Variants in FH observed in about 807,000 individuals in gnomAD.
FH encodes fumarate hydratase, mitochondrial.
A neutral mutation model predicts 49.4 loss-of-function variants in FH; 22 were observed. The observed-to-expected ratio is 0.45, with a 90% CI of 0.32 to 0.64. FH has a LOEUF of 0.64. Among genes scored for constraint, FH ranks in the 30% least tolerant of loss-of-function variants. FH has a pLI of 0.05. For synonymous variants in FH, 208 were observed against 223.0 expected (o/e 0.93, Z 0.60); for missense variants, 526 against 641.5 (o/e 0.82, Z 1.95).
At chr1:241,514,761 CTAAAAT>C (rs769141023) in intron 2 of FH, among the ~76,000 whole-genome samples, 73 of 152,076 alleles carry the variant, frequency 4.8e-4, no homozygotes, top group Non-Finnish European at 8.5e-4. Context: ...TTTTAAGTAA[CTAAAAT>C]TAAAACATTA....
chr1:241,507,242 T>C (rs1659954752), intron 5 of FH, among the ~76,000 whole-genome samples: 1 of 152,204 alleles, frequency 6.6e-6, no homozygotes, highest in East Asian at 1.9e-4. Context: ...TCCAATGCAG[T>C]AACATGCTGC....
chr1:241,516,459 G>A (rs1660213100), intron 2 of FH, among the ~76,000 whole-genome samples: 1 of 152,072 alleles, frequency 6.6e-6, no homozygotes, highest in Non-Finnish European at 1.5e-5. Context: ...TGAACAATGA[G>A]AACATATGGA....
At chr1:241,500,402 A>C in intron 9 of FH, 35 bp downstream of exon 9, 1 of 1,606,490 alleles carries the variant, frequency 6.2e-7, no homozygotes, top group Non-Finnish European at 8.5e-7. Context: ...TTAATTTTGC[A>C]TTCAAAATGA....
chr1:241,502,066 G>C (rs1472121803), intron 8 of FH, among the ~76,000 whole-genome samples: 1 of 152,104 alleles, frequency 6.6e-6, no homozygotes, highest in African/African-American at 2.4e-5. Context: ...CAATGAATGG[G>C]AGAATAATTC....
chr1:241,508,933 G>T, intron 4 of FH, 148 bp from the exon 5 acceptor site: 1 of 648,654 alleles, frequency 1.5e-6, no homozygotes, highest in South Asian at 1.9e-5. Context: ...TGTCATAGGT[G>T]AGTTATTATA....
intron 1 of FH, chr1:241,519,080 G>A (rs541807542): frequency 8.6e-4 from 134 of 155,326 alleles, no homozygotes; most frequent in Middle Eastern, 6.6e-3. Context: ...TGAAAGCAGT[G>A]CAGTGCCCCT....
At chr1:241,502,953 A>G (rs773661759) in intron 7 of FH, among the ~76,000 whole-genome samples, 1 of 152,174 alleles carries the variant, frequency 6.6e-6, no homozygotes, top group Non-Finnish European at 1.5e-5. Context: ...AGAGTAGTGT[A>G]TGCTGCTATC....
rs1659918863 is a variant in FH at position 241,506,006 on chromosome 1, T to C, written c.901A>G (p.Thr301Ala). 3 of 1,613,924 alleles carry C rather than the reference T, an allele frequency of 1.9e-6. No individual in the cohort carries two copies. The highest frequency in any genetic ancestry group is 1.7e-6 in the Non-Finnish European group (2 of 1,179,854). The change falls in exon 6 of 10, where the codon ACA (threonine) becomes GCA (alanine). Residue 301 changes from threonine to alanine, a missense_variant. Thr to Ala is a moderately conservative substitution (Grantham distance 58, BLOSUM62 0). Coordinates refer to ENST00000366560, the MANE Select transcript of FH (RefSeq NM_000143.4). ...EKVAAKVAALTGLPFVTAPNK... is the reference protein window; with the variant it reads ...EKVAAKVAALAGLPFVTAPNK... Reference sequence around the variant, plus strand: ...AATAATTCACGTGATCACTAACCTGTAAGTGCAGCCACTTTTGCAGCAACC... The same window carrying C: ...AATAATTCACGTGATCACTAACCTGCAAGTGCAGCCACTTTTGCAGCAACC...
chr1:241,504,082 C>A lies in FH; in HGVS notation c.1068G>T (p.Leu356Phe). 1 of 1,614,204 alleles carries A rather than the reference C, an allele frequency of 6.2e-7. No individual in the cohort carries two copies. Among genetic ancestry groups the A allele is most frequent in the Non-Finnish European group, 8.5e-7 (1 of 1,180,022 alleles). Reference protein sequence around the residue: ...GSGPRSGLGELILPENEPGSS... With the variant: ...GSGPRSGLGEFILPENEPGSS... ...TTCCTGGTTCATTTTCAGGCAAGAT[C>A]AATTCTCCCAGACCTGACCGAGGAC... Residue 356 changes from leucine to phenylalanine, a missense_variant, in exon 7 of 10, where the codon TTG becomes TTT. By Grantham distance (22) the Leu-to-Phe change is conservative. Coordinates refer to ENST00000366560, the MANE Select transcript of FH (RefSeq NM_000143.4).
At chr1:241,509,824 C>G (rs895631508) in intron 4 of FH, among the ~76,000 whole-genome samples, 12 of 142,514 alleles carry the variant, frequency 8.4e-5, no homozygotes, top group African/African-American at 3.1e-4. Flanking sequence ...CACACACACA[C>G]GCATGCACAC....
chr1:241,519,289 G>A, intron 1 of FH: 1 of 340,286 alleles, frequency 2.9e-6, no homozygotes, highest in South Asian at 4.0e-5. Flanking sequence ...ACCTCAAAAC[G>A]CCCCGGCCTC....
chr1:241,513,509 T>A (rs937352468), intron 3 of FH, 94 bp downstream of exon 3: 1 of 940,778 alleles, frequency 1.1e-6, no homozygotes, highest in African/African-American at 1.6e-5. Flanking sequence ...ATTCAAGAAT[T>A]CACAGTTCCC....
At chr1:241,516,715 C>T (rs369609450) in intron 2 of FH, among the ~76,000 whole-genome samples, 12 of 151,156 alleles carry the variant, frequency 7.9e-5, no homozygotes, top group Non-Finnish European at 1.5e-4. Context: ...TGCAGTGGTG[C>T]GATCTCAGCT....
Position 241,512,015 on chromosome 1 carries a change from A to C in FH, c.507T>G (p.Leu169=), listed in dbSNP as rs1660097256. ...NRAIEMLGGE[L]GSKIPVHPND... is the part of the protein sequence containing the mutation. ...TGGGATGCACAGGTATCTTGCTGCC[A>C]AGTTCACCTCCTAACATTTCAATTG... The change falls in exon 4 of 10, where the codon CTT becomes CTG. Residue 169 remains leucine, a synonymous_variant. Transcript: ENST00000366560. 10 of 1,613,990 alleles carry C rather than the reference A, an allele frequency of 6.2e-6. No individual in the cohort carries two copies. Among genetic ancestry groups the C allele is most frequent in the Non-Finnish European group, 7.6e-6 (9 of 1,179,922 alleles).
At position 241,500,932 on chromosome 1, in the gene FH, G is replaced by A. The variant is rs193298061; in HGVS notation, c.1237-342C>T. 2.0e-5 allele frequency among the ~76,000 whole-genome samples: 3 copies of A among 152,306 alleles called. No homozygotes were observed. The East Asian group carries it at 5.8e-4, about 29-fold the overall frequency. On this transcript the variant is annotated intron_variant, in intron 8 of 9. Transcript: ENST00000366560. Reference sequence around the variant, plus strand: ...AAATTAACTCCAGTTGTCGGAACTGGTGAAATCCTATTTTATGGAGAGGAC... The same window carrying A: ...AAATTAACTCCAGTTGTCGGAACTGATGAAATCCTATTTTATGGAGAGGAC...
chr1:241,512,422 T>G (rs913178492), intron 3 of FH, among the ~76,000 whole-genome samples: 1 of 152,228 alleles, frequency 6.6e-6, no homozygotes, highest in African/African-American at 2.4e-5. Flanking sequence ...GTTTAGTCTC[T>G]AGATATATTT....
At chr1:241,513,212 T>C (rs184741838) in intron 3 of FH, among the ~76,000 whole-genome samples, 1,549 of 152,252 alleles carry the variant, frequency 0.01, 9 homozygotes, top group Non-Finnish European at 0.014. Context: ...TGATTGCTTC[T>C]TTAAGACAAT....
intron 7 of FH, 115 bp downstream of exon 7, chr1:241,503,927 G>C: frequency 9.3e-7 from 1 of 1,078,542 alleles, no homozygotes; most frequent in Non-Finnish European, 1.4e-6. Flanking sequence ...GGAACAGTGC[G>C]CCTTGCGCAT....
intron 5 of FH, among the ~76,000 whole-genome samples, chr1:241,506,814 C>T (rs1181590272): frequency 1.3e-5 from 2 of 152,076 alleles, no homozygotes; most frequent in African/African-American, 4.8e-5. Context: ...TTTTGACATG[C>T]CTTAATTAAA....
Sources: gnomAD v4.1 joint callset for allele counts (sites outside exome capture counted in the v4.1 genomes callset) on GRCh38, gnomAD v4.1.1 for gene constraint, MANE v1.5 for transcripts, NCBI Gene and HGNC (gene_info 2026-07-23, HGNC 2026-07-21) for gene names.